The following LACC1 variants were observed in gnomAD, a reference collection of about 807,000 sequenced individuals.
LACC1 encodes the protein purine nucleoside phosphorylase LACC1.
A neutral mutation model predicts 34.8 loss-of-function variants in LACC1; 25 were observed. The observed-to-expected ratio is 0.72, with a 90% CI of 0.52 to 1.00. The LOEUF (loss-of-function observed/expected upper bound fraction) is 1.00, where lower values mean the gene tolerates loss of function less well. LACC1 is among the 50% of genes least tolerant of loss of function. The pLI is 0.00. For missense variants in LACC1, 426 were observed against 511.2 expected (o/e 0.83, Z 1.61); for synonymous variants, 162 against 168.0 (o/e 0.96, Z 0.28).
At chr13:43,888,284 G>A (rs183081046) in intron 4 of LACC1, among the ~76,000 whole-genome samples, 12 of 152,270 alleles carry the variant, frequency 7.9e-5, no homozygotes, top group African/African-American at 2.6e-4. Context: ...GTGATTGCCA[G>A]GGGCTGGTAA....
intron 2 of LACC1, 116 bp downstream of exon 2, chr13:43,881,663 C>A: frequency 1.3e-6 from 1 of 764,384 alleles, no homozygotes; most frequent in Non-Finnish European, 2.1e-6. Context: ...GGGCTGATTA[C>A]TCATTAGCAT....
rs777753874 is a variant in LACC1 at position 43,881,238 on chromosome 13, G to A, written c.253G>A (p.Ala85Thr). ...TGAGATTGTTAGCTGTCCCAGCATG[G>A]CTGCCACTTTGTATACCATTAAACA... is the stretch of plus-strand genomic sequence containing the variant. Reference protein sequence around the residue: ...EFEIVSCPSMAATLYTIKQKI... With the variant: ...EFEIVSCPSMTATLYTIKQKI... The change falls in exon 2 of 7, where the codon GCT (alanine) becomes ACT (threonine). Residue 85 changes from alanine (A) to threonine (T), a missense_variant. Ala to Thr is a moderately conservative substitution (Grantham distance 58). This residue lies in a region of LACC1 where 217 missense variants were observed against 210.9 expected (regional missense o/e 1.03). Coordinates refer to ENST00000325686, the MANE Select transcript of LACC1 (RefSeq NM_153218.4). The A allele has an allele frequency of 1.1e-5, 17 of 1,613,986 alleles. No individual in the cohort carries two copies. Among genetic ancestry groups the A allele is most frequent in the Non-Finnish European group, 1.3e-5 (15 of 1,180,014 alleles).
chr13:43,883,182 G>A (rs746435040), intron 3 of LACC1, among the ~76,000 whole-genome samples: 1 of 152,176 alleles, frequency 6.6e-6, no homozygotes, highest in Non-Finnish European at 1.5e-5. Context: ...TTATTCAAGA[G>A]CCTACTGTAT....
intron 2 of LACC1, 40 bp downstream of exon 2, chr13:43,881,587 G>A (rs2138271932): frequency 7.0e-7 from 1 of 1,422,274 alleles, no homozygotes; most frequent in Non-Finnish European, 9.5e-7. Context: ...TTTGTACATG[G>A]AAAACTAGTC....
At chr13:43,886,096 C>T (rs1365481576) in intron 4 of LACC1, among the ~76,000 whole-genome samples, 1 of 151,934 alleles carries the variant, frequency 6.6e-6, no homozygotes, top group Non-Finnish European at 1.5e-5. Context: ...TAAAAAAAGT[C>T]AAAAAACAAC....
Position 43,882,176 on chromosome 13 carries a change from C to G in LACC1, c.563-9C>G. ...CATCTTTTAAATCTTCACTGCTTATCTTCAACAGATATTTTCATACATGGA... is the reference window on the plus strand; with the variant it reads ...CATCTTTTAAATCTTCACTGCTTATGTTCAACAGATATTTTCATACATGGA... On this transcript the variant is annotated splice_polypyrimidine_tract_variant and intron_variant, in intron 2 of 6. Transcript: ENST00000325686. The G allele has an allele frequency of 6.3e-7, 1 of 1,592,190 alleles. No homozygotes were observed. The highest frequency in any genetic ancestry group is 8.6e-7 in the Non-Finnish European group (1 of 1,168,902).
chr13:43,882,079 T>C, intron 2 of LACC1, 106 bp from the exon 3 acceptor site: 5 of 801,448 alleles, frequency 6.2e-6, no homozygotes, highest in Non-Finnish European at 7.7e-6. Context: ...CCATAGAAAT[T>C]AGAAGCCAAA....
rs532142690 is a variant in LACC1 at position 43,887,701 on chromosome 13, T to C, written c.908-1056T>C. Among the ~76,000 whole-genome samples the C allele has an allele frequency of 9.1e-4, 138 of 152,292 alleles. 1 individual carries two copies. Among genetic ancestry groups the C allele is most frequent in the South Asian group, 5.0e-3 (24 of 4,822 alleles). ...CACAAATAAATGCAGAGAAATTCTG[T>C]GTTCATGGATTAGAAGTTAGAGAAA... On this transcript the variant is annotated intron_variant, in intron 4 of 6. Transcript: ENST00000325686.
At position 43,881,182 on chromosome 13, in the gene LACC1, G is replaced by A. The variant is rs1419054780; in HGVS notation, c.197G>A (p.Ser66Asn). The change falls in exon 2 of 7, where the codon AGC becomes AAC. Residue 66 changes from serine (S) to asparagine (N), a missense_variant. Physicochemically the swap from Ser to Asn is conservative, Grantham distance 46. Around this residue, in one of 2 missense-constraint regions of LACC1, gnomAD observed 217 missense variants for 210.9 expected, o/e 1.03. Coordinates refer to ENST00000325686, the MANE Select transcript of LACC1 (RefSeq NM_153218.4). ...CAAGATAATTGTGAAATAGAAACAA[G>A]CAATGGATTATCAGCTCTCTTGGAA... ...GEQDNCEIET[S>N]NGLSALLEEF... The A allele has an allele frequency of 3.7e-6, 6 of 1,614,140 alleles. No individual in the cohort carries two copies. Among genetic ancestry groups the A allele is most frequent in the Non-Finnish European group, 5.1e-6 (6 of 1,180,012 alleles).
At chr13:43,889,006 C>G (rs1193938802) in intron 5 of LACC1, 24 bp downstream of exon 5, 1 of 1,528,372 alleles carries the variant, frequency 6.5e-7, no homozygotes, top group Non-Finnish European at 9.1e-7. Context: ...CATTCAACTG[C>G]AAGTTTGATT....
chr13:43,881,495 T>C lies in LACC1; in HGVS notation c.510T>C (p.Ser170=). The C allele has an allele frequency of 6.2e-7, 1 of 1,613,120 alleles. No homozygotes were observed. The change falls in exon 2 of 7, where the codon AGT becomes AGC. Residue 170 remains serine, a synonymous_variant. Coordinates refer to ENST00000325686, the MANE Select transcript of LACC1 (RefSeq NM_153218.4). ...IQNEIETFLR[S]LPALRGKLTI... is the part of the protein sequence containing the mutation. ...ATGAAATAGAAACATTTTTGAGAAG[T>C]CTGCCAGCACTGAGAGGAAAATTAA...
chr13:43,883,060 A>G (rs1955151395), intron 3 of LACC1, among the ~76,000 whole-genome samples: 2 of 152,210 alleles, frequency 1.3e-5, no homozygotes, highest in South Asian at 4.1e-4. Context: ...GTACCCAGAG[A>G]AAACCCATGT....
Position 43,881,502 on chromosome 13 carries a change from G to T in LACC1, c.517G>T (p.Ala173Ser), listed in dbSNP as rs774248495. 6.2e-7 allele frequency: 1 copy of T among 1,610,270 alleles called. No individual in the cohort carries two copies. The highest frequency in any genetic ancestry group is 8.5e-7 in the Non-Finnish European group (1 of 1,179,072). The change falls in exon 2 of 7, where the codon GCA (alanine) becomes TCA (serine). Residue 173 changes from alanine to serine, a missense_variant. Ala to Ser is a moderately conservative substitution (Grantham distance 99, BLOSUM62 1). This residue lies in a region of LACC1 where 217 missense variants were observed against 210.9 expected (regional missense o/e 1.03). Coordinates refer to ENST00000325686, the MANE Select transcript of LACC1 (RefSeq NM_153218.4). ...EIETFLRSLP[A>S]LRGKLTIITS... ...AGAAACATTTTTGAGAAGTCTGCCAGCACTGAGAGGAAAATTAACTATTAT... is the reference window on the plus strand; with the variant it reads ...AGAAACATTTTTGAGAAGTCTGCCATCACTGAGAGGAAAATTAACTATTAT...
Position 43,883,861 on chromosome 13 carries a change from G to T in LACC1, c.832G>T (p.Ala278Ser). ...CACAAATCAGAGAGGAGTCACAATA[G>T]CAGCTCTTGGTGCAGACTGTATACC... is the stretch of plus-strand genomic sequence containing the variant. Reference protein sequence around the residue: ...ITTNQRGVTIAALGADCIPIV... With the variant: ...ITTNQRGVTISALGADCIPIV... The change falls in exon 4 of 7, where the codon GCA (alanine) becomes TCA (serine). Residue 278 changes from alanine to serine, a missense_variant. Physicochemically the swap from Ala to Ser is moderately conservative, Grantham distance 99. This residue lies in a region of LACC1 where 209 missense variants were observed against 300.3 expected (regional missense o/e 0.70). Coordinates refer to ENST00000325686, the MANE Select transcript of LACC1 (RefSeq NM_153218.4). 1 of 1,613,820 alleles carries T rather than the reference G, an allele frequency of 6.2e-7. No individual in the cohort carries two copies. The highest frequency in any genetic ancestry group is 8.5e-7 in the Non-Finnish European group (1 of 1,179,772).
At position 43,888,988 on chromosome 13, in the gene LACC1, T is replaced by A. The variant is rs1955453529; in HGVS notation, c.1133+6T>A. On this transcript the variant is annotated splice_donor_region_variant and intron_variant, in intron 5 of 6. Transcript: ENST00000325686. ...GACATCCGTAAAGCCACAAGGTATG[T>A]CTGATTTCATTCAACTGCAAGTTTG... 1 of 1,595,206 alleles carries A rather than the reference T, an allele frequency of 6.3e-7. No individual in the cohort carries two copies. The highest frequency in any genetic ancestry group is 2.2e-5 in the East Asian group (1 of 44,726).
chr13:43,888,930 G>T lies in LACC1; in HGVS notation c.1081G>T (p.Val361Leu). Reference sequence around the variant, plus strand: ...ATTTCATAATCTTCATCCTGCATGTGTACAACTATTTGATTCACCAAATCC... The same window carrying T: ...ATTTCATAATCTTCATCCTGCATGTTTACAACTATTTGATTCACCAAATCC... ...EAFHNLHPACVQLFDSPNPCI... is the reference protein window; with the variant it reads ...EAFHNLHPACLQLFDSPNPCI... Residue 361 changes from valine (V) to leucine (L), a missense_variant, in exon 5 of 7, where the codon GTA (valine) becomes TTA (leucine). Around this residue, in one of 2 missense-constraint regions of LACC1, gnomAD observed 209 missense variants for 300.3 expected, o/e 0.70. Coordinates refer to ENST00000325686, the MANE Select transcript of LACC1 (RefSeq NM_153218.4). The T allele has an allele frequency of 6.2e-7, 1 of 1,613,798 alleles. No individual in the cohort carries two copies.
At chr13:43,888,012 C>T (rs897002864) in intron 4 of LACC1, among the ~76,000 whole-genome samples, 11 of 152,078 alleles carry the variant, frequency 7.2e-5, no homozygotes, top group African/African-American at 1.7e-4. Context: ...GTTGATAACA[C>T]GATTATTCGC....
Position 43,881,089 on chromosome 13 carries a change from A to G in LACC1, c.104A>G (p.His35Arg). Residue 35 changes from histidine to arginine, a missense_variant, in exon 2 of 7, where the codon CAT becomes CGT. By Grantham distance (29) the His-to-Arg change is conservative. Coordinates refer to ENST00000325686, the MANE Select transcript of LACC1 (RefSeq NM_153218.4). ...ACTTTGAATGCTGTCCAATACCACC[A>G]TGCTGCCAAGGCCAAGTTTCTCTGT... ...LKTLNAVQYHHAAKAKFLCIM... is the reference protein window; with the variant it reads ...LKTLNAVQYHRAAKAKFLCIM... 6.2e-7 allele frequency: 1 copy of G among 1,614,230 alleles called. No individual in the cohort carries two copies. The highest frequency in any genetic ancestry group is 8.5e-7 in the Non-Finnish European group (1 of 1,180,030).
intron 4 of LACC1, 80 bp from the exon 5 acceptor site, chr13:43,888,677 C>A (rs1050924878): frequency 7.7e-6 from 8 of 1,044,190 alleles, no homozygotes; most frequent in Admixed American, 1.9e-5. Flanking sequence ...TAAATCTGCT[C>A]ACTTTTAACT....
Sources: allele counts gnomAD v4.1 joint callset (sites outside exome capture counted in the v4.1 genomes callset), GRCh38; gene constraint gnomAD v4.1.1; regional missense constraint gnomAD v4.1.1; transcripts MANE v1.5; gene names NCBI Gene and HGNC (gene_info 2026-07-23, HGNC 2026-07-21).